The following SCAMP4 variants were observed in gnomAD, a reference collection of about 807,000 sequenced individuals.
SCAMP4 encodes the protein secretory carrier membrane protein 4.
Under a neutral mutation model 32.1 loss-of-function variants are expected in SCAMP4, and 19 were observed. The observed-to-expected ratio is 0.59, with a 90% CI of 0.41 to 0.87. The LOEUF (loss-of-function observed/expected upper bound fraction) is 0.87. SCAMP4 is among the 40% of genes least tolerant of loss of function. SCAMP4 has a pLI of 0.00. For synonymous variants in SCAMP4, 152 were observed against 132.7 expected, an observed-to-expected ratio of 1.15 and a Z score of -1.00; for missense variants, 302 against 309.0, an observed-to-expected ratio of 0.98 and a Z score of 0.17.
chr19:1,909,156 C>A (rs1295737819), intron 1 of SCAMP4, among the ~76,000 whole-genome samples: 6 of 151,694 alleles, frequency 4.0e-5, no homozygotes. Context: ...GTAATCCAAC[C>A]TCAGGCCTGC....
intron 2 of SCAMP4, 36 bp downstream of exon 2, chr19:1,915,062 G>A: frequency 6.2e-7 from 1 of 1,613,178 alleles, no homozygotes; most frequent in Non-Finnish European, 8.5e-7. Flanking sequence ...CCAGCAGCGT[G>A]GGCGGGAGGG....
In SCAMP4 at chr19:1,923,904, C is replaced by T. The variant is rs1022244410; in HGVS notation, c.514-204C>T. 7.4e-5 allele frequency among the ~76,000 whole-genome samples: 8 copies of T among 108,222 alleles called. 1 individual carries two copies. The highest frequency in any genetic ancestry group is 1.2e-4 in the Non-Finnish European group (5 of 40,244). 71.0% of individuals were successfully genotyped at this position (108,222 alleles called of 152,430 possible). On this transcript the variant is annotated intron_variant, in intron 6 of 6. Coordinates refer to ENST00000316097, the MANE Select transcript of SCAMP4 (RefSeq NM_079834.4). ...CCTCCCGAAGTGCTGGGATGACAGG[C>T]GTGAGCCACCGTGCCCGGCCTATTT...
At chr19:1,912,457 G>T in intron 1 of SCAMP4, 1 of 1,505,996 alleles carries the variant, frequency 6.6e-7, no homozygotes, top group Non-Finnish European at 8.8e-7. Flanking sequence ...CGCGGCCTGG[G>T]GCAACCCTTC....
chr19:1,922,862 T>G, intron 5 of SCAMP4: 1 of 1,290,858 alleles, frequency 7.7e-7, no homozygotes, highest in Non-Finnish European at 9.8e-7. Context: ...ACTGCTGCGA[T>G]GGTGGAGGGA....
chr19:1,914,546 T>C, intron 1 of SCAMP4: 1 of 219,088 alleles, frequency 4.6e-6, no homozygotes, highest in Non-Finnish European at 9.3e-6. Context: ...TCAGGCCAGG[T>C]GGGGCTGCTC....
chr19:1,912,848 C>T (rs750533491), intron 1 of SCAMP4: 19 of 1,595,618 alleles, frequency 1.2e-5, no homozygotes, highest in East Asian at 2.2e-5. Flanking sequence ...CCTGCTCCTT[C>T]GCCCCGGCCG....
chr19:1,912,242 C>G (rs1402664883), intron 1 of SCAMP4: 1 of 1,596,898 alleles, frequency 6.3e-7, no homozygotes, highest in Non-Finnish European at 8.5e-7. Flanking sequence ...ACGCCGCGCC[C>G]GTCCTGGACA....
rs1264253943 is a variant in SCAMP4 at position 1,918,380 on chromosome 19, C to T, written c.293+97C>T. ...CAGCTGTGAGGAGCTGTCCCTTTCT[C>T]TGCCCAGTGTGAAAGACAGTTCACA... On this transcript the variant is annotated intron_variant, in intron 4 of 6. Transcript: ENST00000316097. 3.0e-6 allele frequency: 4 copies of T among 1,315,418 alleles called. No homozygotes were observed. In the South Asian group the frequency reaches 4.6e-5, roughly 15 times the overall value. The allele number at this position is 1,315,418 out of a possible 1,614,324, so 81.5% of individuals were successfully genotyped here.
At chr19:1,907,703 G>A (rs980146032) in intron 1 of SCAMP4, among the ~76,000 whole-genome samples, 9 of 152,182 alleles carry the variant, frequency 5.9e-5, no homozygotes, top group African/African-American at 1.9e-4. Flanking sequence ...GCTGGCGGCC[G>A]TGTTCTGCTG....
At chr19:1,915,877 C>T (rs1157945595) in intron 2 of SCAMP4, among the ~76,000 whole-genome samples, 10 of 149,676 alleles carry the variant, frequency 6.7e-5, no homozygotes, top group African/African-American at 2.0e-4. Flanking sequence ...ACCCGGGAGG[C>T]GGAGCTTGCA....
Position 1,905,423 on chromosome 19 carries a change from G to C in SCAMP4, c.-58G>C, listed in dbSNP as rs1318149597. On this transcript the variant is annotated 5_prime_UTR_variant, in exon 1 of 7. Transcript: ENST00000316097. Reference sequence around the variant, plus strand: ...TAAGACTTGGCGAAGCGCTGCGCTCGCGCCCGGATCCCTCAGGTAAGCGCG... The same window carrying C: ...TAAGACTTGGCGAAGCGCTGCGCTCCCGCCCGGATCCCTCAGGTAAGCGCG... 1 of 463,816 alleles carries C rather than the reference G, an allele frequency of 2.2e-6. No homozygotes were observed. Among genetic ancestry groups the C allele is most frequent in the Admixed American group, 2.4e-5 (1 of 41,896 alleles). The allele number at this position is 463,816 out of a possible 1,614,324, so 28.7% of individuals were successfully genotyped here. A position where few individuals can be genotyped will look rare whatever the true frequency, so the allele number is the denominator to read the frequency against.
intron 1 of SCAMP4, among the ~76,000 whole-genome samples, chr19:1,907,555 C>G (rs955970415): frequency 6.6e-6 from 1 of 152,150 alleles, no homozygotes; most frequent in African/African-American, 2.4e-5. Flanking sequence ...TCTGGGTGGA[C>G]ATACCCAGGT....
chr19:1,910,150 A>G (rs796947195), intron 1 of SCAMP4, among the ~76,000 whole-genome samples: 21 of 152,242 alleles, frequency 1.4e-4, no homozygotes, highest in African/African-American at 5.1e-4. Context: ...CCTGAATGTG[A>G]CATGGCTGGC....
At position 1,924,548 on chromosome 19, in the gene SCAMP4, G is replaced by A. The variant is rs531299009; in HGVS notation, c.*264G>A. 2.5e-4 allele frequency: 130 copies of A among 511,040 alleles called. No homozygotes were observed. Among genetic ancestry groups the A allele is most frequent in the African/African-American group, 2.3e-3 (119 of 52,246 alleles). 31.7% of individuals were successfully genotyped at this position (511,040 alleles called of 1,614,324 possible). A position where few individuals can be genotyped will look rare whatever the true frequency, so the allele number is the denominator to read the frequency against. ...GACGCCCTCTTGCTCCCGGAAACGT[G>A]TGGTCACCCGCCGTCCACTGCACGG... On this transcript the variant is annotated 3_prime_UTR_variant, in exon 7 of 7. Transcript: ENST00000316097.
chr19:1,912,354 C>A (rs1187151083), intron 1 of SCAMP4: 9 of 1,530,806 alleles, frequency 5.9e-6, no homozygotes, highest in Non-Finnish European at 7.8e-6. Flanking sequence ...TGCCGGCAGC[C>A]CCCACGCCCT....
At chr19:1,907,135 C>T (rs1212352142) in intron 1 of SCAMP4, 2 of 151,754 alleles carry the variant, frequency 1.3e-5, no homozygotes, top group African/African-American at 2.4e-5. Flanking sequence ...TGCAGTGAGC[C>T]AGGATCGCGC....
chr19:1,913,269 G>A, intron 1 of SCAMP4: 3 of 1,380,400 alleles, frequency 2.2e-6, no homozygotes, highest in Non-Finnish European at 1.9e-6. Flanking sequence ...GACACATACC[G>A]CCTCCAGCGG....
At chr19:1,923,223 C>G in intron 6 of SCAMP4, 36 bp downstream of exon 6, 3 of 1,506,310 alleles carry the variant, frequency 2.0e-6, no homozygotes, top group Non-Finnish European at 2.7e-6. Context: ...AGCCCTTACC[C>G]CTTCTCCATG....
At chr19:1,905,600 G>T (rs868016896) in intron 1 of SCAMP4, 161 bp downstream of exon 1, 1 of 167,866 alleles carries the variant, frequency 6.0e-6, no homozygotes, top group Non-Finnish European at 1.4e-5. Flanking sequence ...GGGCGGGCCG[G>T]TGGGCGACGC....
Sources: gnomAD v4.1 joint callset for allele counts (sites outside exome capture counted in the v4.1 genomes callset) on GRCh38, gnomAD v4.1.1 for gene constraint, MANE v1.5 for transcripts, NCBI Gene and HGNC (gene_info 2026-07-23, HGNC 2026-07-21) for gene names.